The following DAP3 variants were observed in gnomAD, a reference collection of about 807,000 sequenced individuals.
The protein encoded by DAP3 is death associated protein 3, also known as small ribosomal subunit protein mS29.
Under a neutral mutation model 51.9 loss-of-function variants are expected in DAP3, and 28 were observed. The observed-to-expected ratio is 0.54, with a 90% CI of 0.40 to 0.74. DAP3 has a LOEUF of 0.74. Among genes scored for constraint, DAP3 ranks in the 30% least tolerant of loss-of-function variants. The pLI, the probability that DAP3 is intolerant of heterozygous loss-of-function variation, is 0.00. For synonymous variants in DAP3, 170 were observed against 170.3 expected (o/e 1.00, Z 0.01); for missense variants, 458 against 483.5 (o/e 0.95, Z 0.49).
upstream of DAP3, chr1:155,688,071 CGT>C (rs765719441): frequency 4.4e-6 from 7 of 1,578,746 alleles, no homozygotes; most frequent in Non-Finnish European, 6.0e-6. Flanking sequence ...TTCTACTCAC[CGT>C]GTCGGAGGCC....
chr1:155,714,273 C>T (rs1657066934), intron 2 of DAP3, among the ~76,000 whole-genome samples: 2 of 152,018 alleles, frequency 1.3e-5, no homozygotes, highest in South Asian at 4.1e-4. Context: ...ACTGTGCTTC[C>T]CTGGCTGATG....
chr1:155,731,307 C>T, intron 9 of DAP3, 49 bp from the exon 10 acceptor site: 1 of 1,555,514 alleles, frequency 6.4e-7, no homozygotes, highest in South Asian at 1.2e-5. Context: ...GGGAGAACAT[C>T]TAGGAAAGGC....
upstream of DAP3, chr1:155,689,061 G>T: frequency 1.3e-6 from 2 of 1,526,498 alleles, no homozygotes; most frequent in Non-Finnish European, 1.8e-6. Flanking sequence ...GCGTTGAGTC[G>T]TTTCCTGCCG....
In DAP3 at chr1:155,729,374, A is replaced by G; in HGVS notation, c.843+8A>G. 6.2e-7 allele frequency: 1 copy of G among 1,613,164 alleles called. No individual in the cohort carries two copies. Among genetic ancestry groups the G allele is most frequent in the Non-Finnish European group, 8.5e-7 (1 of 1,179,702 alleles). On this transcript the variant is annotated splice_region_variant and intron_variant, in intron 9 of 12. Transcript: ENST00000368336. Reference sequence around the variant, plus strand: ...AGAGAAGATAAAAGCCCGGTAGGAAAACTGGGTGTCTCTATCTTGTTTCTC... The same window carrying G: ...AGAGAAGATAAAAGCCCGGTAGGAAGACTGGGTGTCTCTATCTTGTTTCTC...
intron 1 of DAP3, among the ~76,000 whole-genome samples, chr1:155,694,611 T>C (rs1367240471): frequency 8.2e-6 from 1 of 122,620 alleles, no homozygotes; most frequent in Non-Finnish European, 1.5e-5. Context: ...GAAATGTTCA[T>C]TCGAGCCATC....
intron 11 of DAP3, among the ~76,000 whole-genome samples, chr1:155,732,856 C>G (rs1158090278): frequency 2.0e-5 from 3 of 152,030 alleles, no homozygotes; most frequent in Admixed American, 6.6e-5. Context: ...AACCCCGTCT[C>G]TACTAAAAAT....
chr1:155,736,068 T>C (rs559897593), intron 11 of DAP3, among the ~76,000 whole-genome samples: 83 of 151,414 alleles, frequency 5.5e-4, no homozygotes, highest in African/African-American at 2.0e-3. Flanking sequence ...CTTGAACTCC[T>C]GACCTTGTGA....
intron 2 of DAP3, among the ~76,000 whole-genome samples, chr1:155,712,612 CAAA>C (rs61338392): frequency 1.8e-5 from 1 of 55,514 alleles, no homozygotes; most frequent in African/African-American, 7.2e-5. Flanking sequence ...AACTCCGTCT[CAAA>C]AAAAAAAAAA....
At chr1:155,698,241 A>G (rs1012524110) in intron 1 of DAP3, among the ~76,000 whole-genome samples, 2 of 152,248 alleles carry the variant, frequency 1.3e-5, no homozygotes, top group Admixed American at 1.3e-4. Flanking sequence ...AAAGACAGGC[A>G]TAGGAAATTA....
intron 11 of DAP3, among the ~76,000 whole-genome samples, chr1:155,735,108 G>GAA (rs1344051039): frequency 2.4e-4 from 16 of 67,568 alleles, no homozygotes; most frequent in East Asian, 8.7e-4. Context: ...ACCAAAAAAT[G>GAA]AAAAAAAAAA....
chr1:155,701,051 TGG>T (rs200734357), intron 1 of DAP3, among the ~76,000 whole-genome samples: 12 of 74,640 alleles, frequency 1.6e-4, no homozygotes, highest in South Asian at 3.9e-4. Flanking sequence ...GGGAGGGAGG[TGG>T]GGGGGGGTCA....
At chr1:155,688,849 G>A, upstream of DAP3, 1 of 1,595,080 alleles carries the variant, frequency 6.3e-7, no homozygotes, top group Admixed American at 1.8e-5. Flanking sequence ...GGGCAGGAGA[G>A]GAAGGGACCG....
At chr1:155,736,883 AGTCT>A (rs1159059462) in intron 11 of DAP3, 59 bp from the exon 12 acceptor site, 8 of 1,284,542 alleles carry the variant, frequency 6.2e-6, no homozygotes, top group Admixed American at 5.1e-5. Context: ...GCTTAAGTAG[AGTCT>A]GTCTGTCTGG....
chr1:155,727,601 T>G lies in DAP3; in HGVS notation c.473-7T>G. ...GGCTTGTTTTCTTCTGCCTCTTTTT[T>G]TTAAAGCTCATCTTTGGGTGAAAAA... On this transcript the variant is annotated splice_region_variant and splice_polypyrimidine_tract_variant and intron_variant, in intron 6 of 12. Transcript: ENST00000368336. 8 of 1,610,284 alleles carry G rather than the reference T, an allele frequency of 5.0e-6. No individual in the cohort carries two copies. The highest frequency in any genetic ancestry group is 6.8e-6 in the Non-Finnish European group (8 of 1,178,484).
chr1:155,708,779 ACTGTAAG>A (rs2149143115), intron 1 of DAP3, among the ~76,000 whole-genome samples: 1 of 142,734 alleles, frequency 7.0e-6, no homozygotes, highest in Admixed American at 7.5e-5. Flanking sequence ...ATCTCAGCTC[ACTGTAAG>A]CTCCGCCTCC....
intron 1 of DAP3, among the ~76,000 whole-genome samples, chr1:155,706,285 C>T (rs1655956292): frequency 1.3e-5 from 2 of 152,208 alleles, no homozygotes; most frequent in South Asian, 4.1e-4. Context: ...ATATTACAGG[C>T]ATGAGTCACC....
chr1:155,708,377 A>G (rs1656250935), intron 1 of DAP3, among the ~76,000 whole-genome samples: 1 of 152,062 alleles, frequency 6.6e-6, no homozygotes, highest in Non-Finnish European at 1.5e-5. Context: ...TCAACTTTGC[A>G]AAGATAGTGT....
At chr1:155,729,010 T>G (rs777044295) in intron 7 of DAP3, 32 bp from the exon 8 acceptor site, 2 of 1,609,174 alleles carry the variant, frequency 1.2e-6, no homozygotes, top group Admixed American at 3.4e-5. Context: ...GTAGCCTTTT[T>G]TTTGGTTTTT....
chr1:155,708,701 ATTTTTTT>A (rs1179008308), intron 1 of DAP3, among the ~76,000 whole-genome samples: 39 of 125,888 alleles, frequency 3.1e-4, no homozygotes, highest in South Asian at 1.0e-3. Flanking sequence ...CTCCTGACTA[ATTTTTTT>A]TTTTTTTTTT....
Sources: gnomAD v4.1 joint callset for allele counts (sites outside exome capture counted in the v4.1 genomes callset) on GRCh38, gnomAD v4.1.1 for gene constraint, MANE v1.5 for transcripts, NCBI Gene and HGNC (gene_info 2026-07-23, HGNC 2026-07-21) for gene names.